Variants in GPRASP3 observed in about 807,000 individuals in gnomAD.
GPRASP3 encodes G protein-coupled receptor associated sorting protein 3.
At chrX:102,750,002 C>G in the GPRASP3 span, 5 of 1,202,999 alleles carry the variant, frequency 4.2e-6, no homozygotes, top group Non-Finnish European at 5.6e-6. Context: ...AAGTCAACTA[C>G]TGATCCTCTT....
chrX:102,745,539 A>T, the GPRASP3 span, among the ~76,000 whole-genome samples: 3 of 109,918 alleles, frequency 2.7e-5, no homozygotes, highest in Admixed American at 9.6e-5. Flanking sequence ...AAATCGCCTC[A>T]CCCCTCCCAG....
chrX:102,745,717 G>A, the GPRASP3 span, among the ~76,000 whole-genome samples: 1 of 111,272 alleles, frequency 9.0e-6, no homozygotes, highest in Non-Finnish European at 1.9e-5. Flanking sequence ...CTCCAGCGCG[G>A]CTCTTCCCAA....
chrX:102,726,933 C>G, the GPRASP3 span, among the ~76,000 whole-genome samples: 1 of 112,481 alleles, frequency 8.9e-6, no homozygotes, highest in South Asian at 3.7e-4. Flanking sequence ...AGACCTCTAG[C>G]AATCATTAGG....
chrX:102,736,160 A>T, the GPRASP3 span, among the ~76,000 whole-genome samples: 1 of 112,159 alleles, frequency 8.9e-6, no homozygotes, highest in African/African-American at 3.2e-5. Flanking sequence ...CATTTAGCAA[A>T]CCTAATATCT....
the GPRASP3 span, chrX:102,753,517 A>G: frequency 3.3e-5 from 4 of 122,819 alleles, no homozygotes; most frequent in Non-Finnish European, 7.5e-5. Context: ...TCTTCGACCC[A>G]TGAATAAAAT....
the GPRASP3 span, among the ~76,000 whole-genome samples, chrX:102,737,946 G>T: frequency 9.0e-6 from 1 of 111,034 alleles, no homozygotes; most frequent in Non-Finnish European, 1.9e-5. Flanking sequence ...ATATAAAGGG[G>T]TGTGAATCTT....
At chrX:102,742,718 G>A in the GPRASP3 span, among the ~76,000 whole-genome samples, 2 of 111,445 alleles carry the variant, frequency 1.8e-5, no homozygotes, top group Admixed American at 9.5e-5. Flanking sequence ...TAGGAGATTC[G>A]TGAAGGTCAG....
the GPRASP3 span, chrX:102,752,253 G>A: frequency 8.1e-6 from 1 of 123,098 alleles, no homozygotes; most frequent in African/African-American, 3.3e-5. Flanking sequence ...AAGACTCAGG[G>A]TGGGAATTAT....
chrX:102,722,719 T>C, the GPRASP3 span, among the ~76,000 whole-genome samples: 2 of 111,925 alleles, frequency 1.8e-5, no homozygotes, highest in Non-Finnish European at 3.8e-5. Context: ...AACTTGAGAC[T>C]AAAGCCACAT....
chrX:102,744,328 G>C, the GPRASP3 span, among the ~76,000 whole-genome samples: 1 of 111,061 alleles, frequency 9.0e-6, no homozygotes, highest in Non-Finnish European at 1.9e-5. Context: ...CATTATACTA[G>C]AGAAATAAAA....
chrX:102,723,258 T>C, the GPRASP3 span, among the ~76,000 whole-genome samples: 2 of 112,132 alleles, frequency 1.8e-5, no homozygotes, highest in African/African-American at 6.5e-5. Flanking sequence ...AATGACTTTT[T>C]CTAATCCCAC....
chrX:102,738,499 T>C, the GPRASP3 span, among the ~76,000 whole-genome samples: 5 of 111,403 alleles, frequency 4.5e-5, no homozygotes, highest in South Asian at 7.7e-4. Context: ...TTTTTTCCAA[T>C]GGTAATCCGT....
chrX:102,728,731 T>C, the GPRASP3 span, among the ~76,000 whole-genome samples: 1 of 109,921 alleles, frequency 9.1e-6, no homozygotes, highest in African/African-American at 3.3e-5. Context: ...TTAAATTTTT[T>C]ATTTTTTATT....
chrX:102,743,155 T>A, the GPRASP3 span, among the ~76,000 whole-genome samples: 2 of 109,992 alleles, frequency 1.8e-5, no homozygotes, highest in South Asian at 7.7e-4. Flanking sequence ...AATTTCCTTG[T>A]GGAAAAATGG....
the GPRASP3 span, among the ~76,000 whole-genome samples, chrX:102,724,875 T>C: frequency 9.0e-6 from 1 of 110,867 alleles, no homozygotes; most frequent in East Asian, 2.8e-4. Context: ...CTCTTGTTCC[T>C]TCTCCCTTTT....
At chrX:102,731,177 C>T in the GPRASP3 span, among the ~76,000 whole-genome samples, 1 of 112,870 alleles carries the variant, frequency 8.9e-6, no homozygotes, top group East Asian at 2.8e-4. Context: ...TAAGTGTTAC[C>T]ACTGGAAGGT....
chrX:102,752,701 C>G, the GPRASP3 span: 2 of 123,152 alleles, frequency 1.6e-5, no homozygotes, highest in Non-Finnish European at 3.8e-5. Flanking sequence ...ACAGTGTGAT[C>G]AGTTTTGGAA....
chrX:102,730,238 A>G, the GPRASP3 span, among the ~76,000 whole-genome samples: 1 of 111,764 alleles, frequency 8.9e-6, no homozygotes, highest in South Asian at 3.7e-4. Context: ...GCAGTTCACA[A>G]TACGGTTTGT....
the GPRASP3 span, among the ~76,000 whole-genome samples, chrX:102,746,836 C>T: frequency 8.9e-6 from 1 of 112,541 alleles, no homozygotes; most frequent in Non-Finnish European, 1.9e-5. Flanking sequence ...ATATTTAGAT[C>T]CCCACATCCA....
Sources: allele counts gnomAD v4.1 joint callset (sites outside exome capture counted in the v4.1 genomes callset), GRCh38; gene constraint gnomAD v4.1.1; transcripts MANE v1.5; gene names NCBI Gene and HGNC (gene_info 2026-07-23, HGNC 2026-07-21).